Variants in SLC4A2 observed in about 807,000 individuals in gnomAD.
The protein encoded by SLC4A2 is solute carrier family 4 member 2, also known as anion exchange protein 2.
A neutral mutation model predicts 115.0 loss-of-function variants in SLC4A2; 36 were observed. The ratio of observed to expected loss-of-function variants is 0.31; its 90% CI spans 0.24 to 0.41. The LOEUF (loss-of-function observed/expected upper bound fraction) is 0.41, where lower values mean the gene tolerates loss of function less well. SLC4A2 is among the 10% of genes least tolerant of loss of function. The probability of loss-of-function intolerance (pLI) is 1.00; values close to 1 mark genes in which losing one functional copy is unlikely to be tolerated. For missense variants in SLC4A2, 1,252 were observed against 1,705.6 expected (o/e 0.73, Z 4.68); for synonymous variants, 708 against 708.3 (o/e 1.00, Z 0.01).
chr7:151,062,519 T>A, intron 2 of SLC4A2: 1 of 1,359,016 alleles, frequency 7.4e-7, no homozygotes, highest in African/African-American at 1.5e-5. Context: ...GGAGTCTTAA[T>A]GATTAACCCC....
chr7:151,063,644 G>T (rs1234201770), intron 2 of SLC4A2, among the ~76,000 whole-genome samples: 2 of 151,482 alleles, frequency 1.3e-5, no homozygotes, highest in African/African-American at 4.9e-5. Flanking sequence ...GTGTTTGAAG[G>T]GATGTCTACT....
chr7:151,063,283 G>T (rs1797118901), intron 2 of SLC4A2: 4 of 993,122 alleles, frequency 4.0e-6, no homozygotes, highest in Non-Finnish European at 5.6e-6. Flanking sequence ...TCTCCTGGGG[G>T]CTGAAGGGCA....
rs143881390 is a variant in SLC4A2 at position 151,070,049 on chromosome 7, C to T, written c.1250C>T (p.Ala417Val). 27 of 1,614,014 alleles carry T rather than the reference C, an allele frequency of 1.7e-5. No individual in the cohort carries two copies. The Admixed American group carries it at 3.5e-4, about 21-fold the overall frequency. The change falls in exon 9 of 23, where the codon GCC becomes GTC. Residue 417 changes from alanine (A) to valine (V), a missense_variant. By Grantham distance (64) the Ala-to-Val change is moderately conservative (BLOSUM62 0). Transcript: ENST00000413384. ...GACCAGATCAAGGCCGAGGACAGGG[C>T]CAACGTGCTGCGGGCTCTGCTGTTG... is the stretch of plus-strand genomic sequence containing the variant. ...ISDQIKAEDRANVLRALLLKH... is the reference protein window; with the variant it reads ...ISDQIKAEDRVNVLRALLLKH...
At chr7:151,067,743 C>A in intron 7 of SLC4A2, 131 bp from the exon 8 acceptor site, 1 of 680,788 alleles carries the variant, frequency 1.5e-6, no homozygotes, top group Non-Finnish European at 2.5e-6. Flanking sequence ...GACTGGTGCG[C>A]CTGTGCACCA....
intron 19 of SLC4A2, 148 bp from the exon 20 acceptor site, chr7:151,075,107 T>G (rs1188028498): frequency 8.3e-7 from 1 of 1,202,196 alleles, no homozygotes; most frequent in South Asian, 1.3e-5. Flanking sequence ...GGTTTTGCTC[T>G]GTAACGGAAT....
At position 151,060,503 on chromosome 7, in the gene SLC4A2, C is replaced by G. The variant is rs1046655668; in HGVS notation, c.-64+741C>G. On this transcript the variant is annotated intron_variant, in intron 1 of 22. Transcript: ENST00000413384. The surrounding 1 kb of genome is among the most constrained non-coding windows in gnomAD (Gnocchi z 5.9). ...GGGGAGAGATACTAATCCTCTGGGCCGGTCGGGGCTGGTCCCGGGAATGTG... is the reference window on the plus strand; with the variant it reads ...GGGGAGAGATACTAATCCTCTGGGCGGGTCGGGGCTGGTCCCGGGAATGTG... Among the ~76,000 whole-genome samples the G allele has an allele frequency of 6.6e-6, 1 of 152,164 alleles. No individual in the cohort carries two copies. Among genetic ancestry groups the G allele is most frequent in the African/African-American group, 2.4e-5 (1 of 41,442 alleles).
upstream of SLC4A2, chr7:151,059,531 C>CCGGCCCCCGCTCCCGCCT (rs1554449480): frequency 6.6e-6 from 1 of 150,496 alleles, no homozygotes; most frequent in Non-Finnish European, 1.5e-5. The surrounding 1 kb of genome is among the most constrained non-coding windows in gnomAD (Gnocchi z 5.8). Flanking sequence ...CGCCCCGGCC[C>CCGGCCCCCGCTCCCGCCT]CCGCTCCCGC....
chr7:151,064,336 A>C lies in SLC4A2; in HGVS notation c.186A>C (p.Pro62=). ...CCGGGTCTCGTGGAGGGGAGGAGCC[A>C]GGCCGCAGCTATGGGGAGGAAGACT... ...QEAGSRGGEE[P]GRSYGEEDFE... Residue 62 remains proline, a synonymous_variant, in exon 3 of 23, where the codon CCA becomes CCC. Transcript: ENST00000413384. The C allele has an allele frequency of 6.7e-7, 1 of 1,491,624 alleles. No individual in the cohort carries two copies. The highest frequency in any genetic ancestry group is 9.0e-7 in the Non-Finnish European group (1 of 1,111,138). The allele number at this position is 1,491,624 out of a possible 1,614,324, so 92.4% of individuals were successfully genotyped here. A position where few individuals can be genotyped will look rare whatever the true frequency, so the allele number is the denominator to read the frequency against.
chr7:151,063,473 T>G (rs979046069), intron 2 of SLC4A2, among the ~76,000 whole-genome samples: 1 of 152,140 alleles, frequency 6.6e-6, no homozygotes, highest in Non-Finnish European at 1.5e-5. Context: ...AGGCTGCAGA[T>G]GGGCTGGACA....
At position 151,070,718 on chromosome 7, in the gene SLC4A2, C is replaced by T. The variant is rs973578063; in HGVS notation, c.1565-9C>T. 6.8e-6 allele frequency: 11 copies of T among 1,612,200 alleles called. No homozygotes were observed. The highest frequency in any genetic ancestry group is 1.8e-4 in the Middle Eastern group (1 of 5,626). Reference sequence around the variant, plus strand: ...TCTGCTCTTGCCCACGATGGTCCCACGCCCCTAGGCTGCGTGGAGTTCCTC... The same window carrying T: ...TCTGCTCTTGCCCACGATGGTCCCATGCCCCTAGGCTGCGTGGAGTTCCTC... On this transcript the variant is annotated splice_polypyrimidine_tract_variant and intron_variant, in intron 11 of 22. Coordinates refer to ENST00000413384, the MANE Select transcript of SLC4A2 (RefSeq NM_003040.4).
chr7:151,067,035 C>G (rs961180309), intron 7 of SLC4A2, 42 bp downstream of exon 7: 2 of 1,530,128 alleles, frequency 1.3e-6, no homozygotes, highest in East Asian at 2.3e-5. Context: ...ACTTCCCACA[C>G]GACCCTGCCC....
At chr7:151,075,865 C>A in intron 21 of SLC4A2, 90 bp downstream of exon 21, 2 of 1,438,184 alleles carry the variant, frequency 1.4e-6, no homozygotes, top group South Asian at 1.3e-5. Context: ...TCCCATCTGC[C>A]CAGTTCAGCC....
In SLC4A2 at chr7:151,070,308, G is replaced by A; in HGVS notation, c.1411G>A (p.Gly471Arg). ...SDPHVTEPLMGGVPETRLEVE... is the reference protein window; with the variant it reads ...SDPHVTEPLMRGVPETRLEVE... ...CCCCCACGTCACCGAGCCTCTCATGGGAGGTGTTCCTGAGACCCGGCTGGA... is the reference window on the plus strand; with the variant it reads ...CCCCCACGTCACCGAGCCTCTCATGAGAGGTGTTCCTGAGACCCGGCTGGA... The change falls in exon 10 of 23, where the codon GGA (glycine) becomes AGA (arginine). Residue 471 changes from glycine to arginine, a missense_variant. Transcript: ENST00000413384. The A allele has an allele frequency of 6.2e-7, 1 of 1,613,236 alleles. No homozygotes were observed. Among genetic ancestry groups the A allele is most frequent in the Non-Finnish European group, 8.5e-7 (1 of 1,179,566 alleles).
chr7:151,063,951 A>G (rs1324332789), intron 2 of SLC4A2, among the ~76,000 whole-genome samples: 1 of 151,060 alleles, frequency 6.6e-6, no homozygotes, highest in Non-Finnish European at 1.5e-5. Flanking sequence ...CTGGTCTTGA[A>G]CTCCTGACCT....
At chr7:151,075,857 C>T in intron 21 of SLC4A2, 82 bp downstream of exon 21, 1 of 1,470,244 alleles carries the variant, frequency 6.8e-7, no homozygotes, top group Non-Finnish European at 9.3e-7. Flanking sequence ...CTGCCCCCTC[C>T]CATCTGCCCA....
rs1796991968 is a variant in SLC4A2, at chr7:151,059,907, C to T, written c.-64+145C>T. ...AGACTGGGGCGCGGGGAACCGCGGT[C>T]TTGGGGAGAAGGATGGGGAGGCGGA... On this transcript the variant is annotated intron_variant, in intron 1 of 22. Coordinates refer to ENST00000413384, the MANE Select transcript of SLC4A2 (RefSeq NM_003040.4). The surrounding 1 kb of genome is among the most constrained non-coding windows in gnomAD (Gnocchi z 5.8). The T allele has an allele frequency of 6.6e-6, 1 of 152,156 alleles. No homozygotes were observed. 9.4% of individuals were successfully genotyped at this position (152,156 alleles called of 1,614,324 possible). A position where few individuals can be genotyped will look rare whatever the true frequency, so the allele number is the denominator to read the frequency against.
rs761391947 is a variant in SLC4A2, at chr7:151,064,604, C to T, written c.296C>T (p.Pro99Leu). 3.7e-6 allele frequency: 6 copies of T among 1,613,388 alleles called. No homozygotes were observed. Among genetic ancestry groups the T allele is most frequent in the Admixed American group, 3.3e-5 (2 of 60,012 alleles). Residue 99 changes from proline (P) to leucine (L), a missense_variant, in exon 4 of 23, where the codon CCC becomes CTC. Physicochemically the swap from Pro to Leu is moderately conservative, Grantham distance 98 (BLOSUM62 -3). Coordinates refer to ENST00000413384, the MANE Select transcript of SLC4A2 (RefSeq NM_003040.4). ...CCGGATGCACGCCGCCGCAAGACAC[C>T]CCAGGGCCCAGGACGGAAGCCTCGA... The part of the protein sequence containing the change: ...LPPDARRRKT[P>L]QGPGRKPRRR...
intron 2 of SLC4A2, chr7:151,062,717 T>C: frequency 7.0e-7 from 1 of 1,422,700 alleles, no homozygotes; most frequent in South Asian, 1.5e-5. Flanking sequence ...CCTGCGCCTC[T>C]CCCCGTCCCC....
chr7:151,059,257 T>C (rs920794414), upstream of SLC4A2: 1 of 152,202 alleles, frequency 6.6e-6, no homozygotes, highest in Non-Finnish European at 1.5e-5. This position sits in a 1 kb window ranked among gnomAD's most constrained non-coding sequence, Gnocchi z 5.8. Flanking sequence ...CTCAGGGGCT[T>C]TCTTGGAGGC....
Sources: allele counts gnomAD v4.1 joint callset (sites outside exome capture counted in the v4.1 genomes callset), GRCh38; gene constraint gnomAD v4.1.1; non-coding constraint Gnocchi (gnomAD v3.1); transcripts MANE v1.5; gene names NCBI Gene and HGNC (gene_info 2026-07-23, HGNC 2026-07-21).